The following FBN2 variants were observed in gnomAD, a reference collection of about 807,000 sequenced individuals.
FBN2 encodes the protein fibrillin 2.
FBN2 carries 105 observed loss-of-function variants against 355.6 expected under a neutral mutation model. That is an observed-to-expected ratio of 0.30 (90% CI 0.25 to 0.35). FBN2 has a LOEUF of 0.35. FBN2 is among the 10% of genes least tolerant of loss of function. The pLI is 1.00. For synonymous variants in FBN2, 1,350 were observed against 1,301.2 expected (o/e 1.04, Z -0.81); for missense variants, 3,280 against 3,758.7 (o/e 0.87, Z 3.33).
chr5:128,446,708 TCA>T (rs1754074425), intron 6 of FBN2, 102 bp from the exon 7 acceptor site: 11 of 1,270,308 alleles, frequency 8.7e-6, no homozygotes, highest in Middle Eastern at 2.2e-4. Flanking sequence ...TCTAAGAAAC[TCA>T]GTTTTTCTCA....
At chr5:128,272,149 G>T in intron 61 of FBN2, 31 bp from the exon 62 acceptor site, 2 of 1,613,352 alleles carry the variant, frequency 1.2e-6, no homozygotes, top group Non-Finnish European at 1.7e-6. Context: ...AAACCTTTAT[G>T]TCACCTTTCT....
chr5:128,438,979 C>T (rs1753847523), intron 7 of FBN2, among the ~76,000 whole-genome samples: 1 of 152,144 alleles, frequency 6.6e-6, no homozygotes, highest in African/African-American at 2.4e-5. Flanking sequence ...CACATACACA[C>T]ACACACTTTT....
intron 62 of FBN2, among the ~76,000 whole-genome samples, chr5:128,266,495 T>G (rs940411330): frequency 2.0e-5 from 3 of 152,268 alleles, no homozygotes; most frequent in African/African-American, 7.2e-5. Flanking sequence ...CAGGATCTCA[T>G]AAAGGGGAAC....
intron 2 of FBN2, among the ~76,000 whole-genome samples, chr5:128,530,961 G>C (rs887164923): frequency 1.3e-5 from 2 of 152,044 alleles, no homozygotes; most frequent in Non-Finnish European, 2.9e-5. Context: ...TTCCATAGTG[G>C]CTGTAAAAGT....
chr5:128,427,783 G>A (rs1404100671), intron 7 of FBN2, among the ~76,000 whole-genome samples: 1 of 152,068 alleles, frequency 6.6e-6, no homozygotes, highest in Non-Finnish European at 1.5e-5. Flanking sequence ...GAGAGTCCGG[G>A]TCTGAAGCAC....
At chr5:128,260,544 A>G (rs902853110) in intron 64 of FBN2, among the ~76,000 whole-genome samples, 4 of 152,190 alleles carry the variant, frequency 2.6e-5, no homozygotes, top group African/African-American at 9.7e-5. Context: ...GGCAGTGGTG[A>G]CCCAGAAGTG....
At chr5:128,441,289 C>A (rs1354142964) in intron 7 of FBN2, among the ~76,000 whole-genome samples, 2 of 152,178 alleles carry the variant, frequency 1.3e-5, no homozygotes, top group East Asian at 1.9e-4. Context: ...ACTCTTACTG[C>A]AACTGCTGTC....
chr5:128,411,651 A>T (rs988576983), intron 7 of FBN2, among the ~76,000 whole-genome samples: 2 of 152,088 alleles, frequency 1.3e-5, no homozygotes, highest in Non-Finnish European at 2.9e-5. Context: ...TTATAGGTAC[A>T]GGGTAGGGGA....
At chr5:128,427,848 T>C (rs1477426353) in intron 7 of FBN2, among the ~76,000 whole-genome samples, 1 of 152,180 alleles carries the variant, frequency 6.6e-6, no homozygotes, top group Non-Finnish European at 1.5e-5. Context: ...CATTTTCTTT[T>C]GCTGCAATCT....
At chr5:128,399,821 A>C (rs557322422) in intron 8 of FBN2, among the ~76,000 whole-genome samples, 1 of 152,228 alleles carries the variant, frequency 6.6e-6, no homozygotes, top group African/African-American at 2.4e-5. Flanking sequence ...ATAACTTCTT[A>C]ACAAATAGGA....
rs1749894857 is a variant in FBN2, at chr5:128,306,735, T to C, written c.5422+400A>G. 3.3e-5 allele frequency among the ~76,000 whole-genome samples: 5 copies of C among 152,300 alleles called. No individual in the cohort carries two copies. The South Asian group carries it at 6.2e-4, about 19-fold the overall frequency. On this transcript the variant is annotated intron_variant, in intron 42 of 64. Transcript: ENST00000262464. ...TATGAAAAATAAGTCTGCACATTCA[T>C]ATTTAGACCAGTAAAAAGGGATACT...
intron 42 of FBN2, 123 bp downstream of exon 42, chr5:128,307,012 T>C: frequency 1.4e-6 from 1 of 709,306 alleles, no homozygotes; most frequent in Non-Finnish European, 2.5e-6. Context: ...CTTATCTAAC[T>C]ATATTAGATT....
intron 19 of FBN2, among the ~76,000 whole-genome samples, chr5:128,359,818 G>C (rs529380802): frequency 6.6e-6 from 1 of 152,070 alleles, no homozygotes; most frequent in South Asian, 2.1e-4. Context: ...GTTCATGTAA[G>C]CAGGTGAGTC....
At chr5:128,473,265 G>A (rs530824592) in intron 5 of FBN2, among the ~76,000 whole-genome samples, 1 of 152,276 alleles carries the variant, frequency 6.6e-6, no homozygotes, top group South Asian at 2.1e-4. Context: ...TCTCTCCAAT[G>A]CAGAGTAGAG....
intron 33 of FBN2, among the ~76,000 whole-genome samples, chr5:128,329,897 T>C (rs1173934011): frequency 6.6e-6 from 1 of 152,196 alleles, no homozygotes; most frequent in African/African-American, 2.4e-5. Flanking sequence ...TATACATGCA[T>C]ATAATGAGAG....
intron 9 of FBN2, among the ~76,000 whole-genome samples, 185 bp downstream of exon 9, chr5:128,394,937 C>T (rs902787336): frequency 6.6e-6 from 1 of 152,116 alleles, no homozygotes; most frequent in Non-Finnish European, 1.5e-5. Context: ...AGGCATGCAC[C>T]ACCATGCCCG....
At chr5:128,521,424 TAC>T (rs1373820218) in intron 4 of FBN2, among the ~76,000 whole-genome samples, 7 of 152,212 alleles carry the variant, frequency 4.6e-5, no homozygotes, top group African/African-American at 1.7e-4. Context: ...CGGGGCTTAA[TAC>T]CTAGGTGATA....
intron 28 of FBN2, 120 bp downstream of exon 28, chr5:128,335,868 A>T: frequency 9.5e-7 from 1 of 1,048,472 alleles, no homozygotes; most frequent in Non-Finnish European, 1.4e-6. Context: ...ATCTGCCCCT[A>T]GTCTTACATT....
intron 7 of FBN2, among the ~76,000 whole-genome samples, chr5:128,444,217 C>T (rs949195033): frequency 8.6e-5 from 13 of 151,610 alleles, no homozygotes; most frequent in East Asian, 5.8e-4. Flanking sequence ...GGACTACAGG[C>T]GCCCGCCACC....
Sources: allele counts gnomAD v4.1 joint callset (sites outside exome capture counted in the v4.1 genomes callset), GRCh38; gene constraint gnomAD v4.1.1; transcripts MANE v1.5; gene names NCBI Gene and HGNC (gene_info 2026-07-23, HGNC 2026-07-21).